The following BRD10 variants were observed in gnomAD, a reference collection of about 807,000 sequenced individuals.
BRD10 encodes uncharacterized bromodomain-containing protein 10.
the BRD10 span, among the ~76,000 whole-genome samples, chr9:5,902,241 GTCTT>G: frequency 1.3e-5 from 2 of 152,148 alleles, no homozygotes; most frequent in African/African-American, 4.8e-5. Flanking sequence ...GACAGATTGT[GTCTT>G]TCAAAGAATT....
At chr9:5,879,320 G>A in the BRD10 span, among the ~76,000 whole-genome samples, 9 of 151,840 alleles carry the variant, frequency 5.9e-5, no homozygotes, top group Non-Finnish European at 7.4e-5. Context: ...AAAATTATCC[G>A]GGTGTGATGG....
the BRD10 span, among the ~76,000 whole-genome samples, chr9:5,885,274 C>A: frequency 6.6e-5 from 10 of 152,248 alleles, no homozygotes; most frequent in African/African-American, 2.4e-4. Flanking sequence ...GGACTGGGCA[C>A]CCCCTCCGAA....
chr9:5,963,748 C>T, the BRD10 span, among the ~76,000 whole-genome samples: 1 of 152,130 alleles, frequency 6.6e-6, no homozygotes, highest in East Asian at 1.9e-4. Context: ...AGAAATAATG[C>T]CGCATACCTA....
At chr9:6,007,632 G>A in the BRD10 span, 1 of 1,602,370 alleles carries the variant, frequency 6.2e-7, no homozygotes, top group Non-Finnish European at 8.5e-7. Flanking sequence ...GATCGTCCGC[G>A]TCCTCCAGCG....
At chr9:5,884,708 G>T in the BRD10 span, among the ~76,000 whole-genome samples, 1 of 152,180 alleles carries the variant, frequency 6.6e-6, no homozygotes, top group Non-Finnish European at 1.5e-5. Context: ...ATTAGATATT[G>T]TAGTGAACCC....
At chr9:5,992,720 T>C in the BRD10 span, among the ~76,000 whole-genome samples, 1 of 125,246 alleles carries the variant, frequency 8.0e-6, no homozygotes, top group Non-Finnish European at 1.9e-5. Context: ...CTCCCCCTTT[T>C]TTTTTTTTTA....
chr9:5,994,439 C>CA, the BRD10 span, among the ~76,000 whole-genome samples: 1 of 152,110 alleles, frequency 6.6e-6, no homozygotes, highest in African/African-American at 2.4e-5. Flanking sequence ...TTCATACCCA[C>CA]AAAAAAGCAC....
At chr9:5,885,282 G>T in the BRD10 span, among the ~76,000 whole-genome samples, 30 of 152,132 alleles carry the variant, frequency 2.0e-4, no homozygotes, top group Admixed American at 2.0e-3. Context: ...CACCCCCTCC[G>T]AACTGTTTGT....
At chr9:5,949,962 G>C in the BRD10 span, among the ~76,000 whole-genome samples, 6 of 152,270 alleles carry the variant, frequency 3.9e-5, no homozygotes, top group East Asian at 1.2e-3. Flanking sequence ...GTAAGTAAAT[G>C]TTAAAGTTGA....
chr9:5,984,274 T>C, the BRD10 span, among the ~76,000 whole-genome samples: 1 of 152,068 alleles, frequency 6.6e-6, no homozygotes, highest in South Asian at 2.1e-4. Context: ...ACAATAACAG[T>C]GTATTGGGGG....
the BRD10 span, among the ~76,000 whole-genome samples, chr9:5,964,447 C>T: frequency 1.3e-5 from 2 of 149,796 alleles, no homozygotes; most frequent in Non-Finnish European, 3.0e-5. Flanking sequence ...AACACTTTTA[C>T]ACTGTTGGTG....
At chr9:5,908,220 C>T in the BRD10 span, among the ~76,000 whole-genome samples, 1 of 152,202 alleles carries the variant, frequency 6.6e-6, no homozygotes, top group Non-Finnish European at 1.5e-5. Flanking sequence ...GAAGCCCTGA[C>T]ACATTTGTTC....
chr9:5,918,687 C>A, the BRD10 span, among the ~76,000 whole-genome samples: 38 of 131,170 alleles, frequency 2.9e-4, 1 homozygote, highest in South Asian at 9.1e-3. Context: ...GGCAAAAAAA[C>A]CACAATTACT....
the BRD10 span, chr9:6,007,811 G>A: frequency 2.8e-5 from 41 of 1,447,282 alleles, no homozygotes; most frequent in Non-Finnish European, 3.5e-5. Flanking sequence ...TAGGCTGGGC[G>A]GTGTGGAACA....
the BRD10 span, among the ~76,000 whole-genome samples, chr9:5,899,933 G>A: frequency 6.6e-6 from 1 of 152,072 alleles, no homozygotes; most frequent in Non-Finnish European, 1.5e-5. Flanking sequence ...TTTACACCCA[G>A]ACATGTTGGA....
At chr9:5,959,619 T>C in the BRD10 span, among the ~76,000 whole-genome samples, 10 of 152,194 alleles carry the variant, frequency 6.6e-5, no homozygotes, top group African/African-American at 2.4e-4. Flanking sequence ...CTTCAGCTGG[T>C]ATGCTAAAAG....
the BRD10 span, among the ~76,000 whole-genome samples, chr9:5,904,216 T>C: frequency 6.6e-6 from 1 of 152,228 alleles, no homozygotes; most frequent in Non-Finnish European, 1.5e-5. Flanking sequence ...GAGGGTTTCT[T>C]GTAGAGAACA....
At chr9:5,879,179 C>T in the BRD10 span, among the ~76,000 whole-genome samples, 1 of 152,104 alleles carries the variant, frequency 6.6e-6, no homozygotes, top group African/African-American at 2.4e-5. Flanking sequence ...AGAAACACAT[C>T]AGGCTGGGTG....
chr9:5,994,035 C>A, the BRD10 span, among the ~76,000 whole-genome samples: 1 of 152,152 alleles, frequency 6.6e-6, no homozygotes, highest in Non-Finnish European at 1.5e-5. Context: ...CTACAACAGC[C>A]ATTAAAACCA....
Sources: gnomAD v4.1 joint callset for allele counts (sites outside exome capture counted in the v4.1 genomes callset) on GRCh38, gnomAD v4.1.1 for gene constraint, MANE v1.5 for transcripts, NCBI Gene and HGNC (gene_info 2026-07-23, HGNC 2026-07-21) for gene names.